Variants in AK4 observed in about 807,000 individuals in gnomAD.
AK4 encodes the protein adenylate kinase 4.
AK4 carries 13 observed loss-of-function variants against 24.6 expected under a neutral mutation model. The ratio of observed to expected loss-of-function variants is 0.53; its 90% CI spans 0.34 to 0.84. AK4 has a LOEUF of 0.84. AK4 is among the 40% of genes least tolerant of loss of function. The pLI is 0.01. For missense variants in AK4, 192 were observed against 288.2 expected (o/e 0.67, Z 2.42); for synonymous variants, 88 against 107.0 (o/e 0.82, Z 1.10).
intron 2 of AK4, among the ~76,000 whole-genome samples, chr1:65,203,575 G>T (rs1245744488): frequency 1.3e-5 from 2 of 152,040 alleles, no homozygotes; most frequent in Non-Finnish European, 2.9e-5. Flanking sequence ...AGGACGAGGT[G>T]GGTGGATCAC....
intron 2 of AK4, among the ~76,000 whole-genome samples, chr1:65,208,685 C>T (rs1440131926): frequency 6.6e-6 from 1 of 152,220 alleles, no homozygotes; most frequent in African/African-American, 2.4e-5. Context: ...CCCTTCTGAA[C>T]TGCCCTTTCA....
At chr1:65,210,578 C>G (rs182702061) in intron 2 of AK4, among the ~76,000 whole-genome samples, 1 of 152,190 alleles carries the variant, frequency 6.6e-6, no homozygotes, top group South Asian at 2.1e-4. Context: ...TTTCTGTTAC[C>G]GAGGACTTTC....
intron 2 of AK4, among the ~76,000 whole-genome samples, chr1:65,194,504 C>T (rs1651408918): frequency 2.6e-5 from 4 of 152,106 alleles, no homozygotes; most frequent in Admixed American, 1.3e-4. Context: ...CTCTGTCGCC[C>T]AGGCCAGAGT....
chr1:65,207,490 G>A (rs1651846264), intron 2 of AK4, among the ~76,000 whole-genome samples: 1 of 152,054 alleles, frequency 6.6e-6, no homozygotes, highest in Admixed American at 6.5e-5. Context: ...GGGAGTGTGG[G>A]GCTCACAGAG....
At chr1:65,163,620 A>T (rs897231979) in intron 1 of AK4, among the ~76,000 whole-genome samples, 1 of 152,224 alleles carries the variant, frequency 6.6e-6, no homozygotes, top group Non-Finnish European at 1.5e-5. Context: ...CAGTTTGTCC[A>T]CAAGTGTAAC....
intron 1 of AK4, among the ~76,000 whole-genome samples, chr1:65,179,259 A>G (rs967811495): frequency 6.6e-6 from 1 of 152,158 alleles, no homozygotes; most frequent in African/African-American, 2.4e-5. Context: ...TCCCTTTTAT[A>G]CAGGTGCTAG....
intron 4 of AK4, among the ~76,000 whole-genome samples, chr1:65,225,195 C>T (rs1008353435): frequency 1.3e-5 from 2 of 152,044 alleles, no homozygotes; most frequent in African/African-American, 4.8e-5. Context: ...GTTGATACTC[C>T]CACATATAAA....
At chr1:65,187,399 A>G (rs1036356150) in intron 1 of AK4, among the ~76,000 whole-genome samples, 1 of 151,540 alleles carries the variant, frequency 6.6e-6, no homozygotes, top group African/African-American at 2.4e-5. Context: ...ATCTACAGAC[A>G]GAAAGATTGG....
chr1:65,203,287 G>A (rs1651719467), intron 2 of AK4, among the ~76,000 whole-genome samples: 1 of 152,074 alleles, frequency 6.6e-6, no homozygotes, highest in Non-Finnish European at 1.5e-5. Context: ...AAAACTCTTA[G>A]TGGAGTTCTG....
rs144980458 is a variant in AK4, at chr1:65,191,678, A to G, written c.265+849A>G. On this transcript the variant is annotated intron_variant, in intron 2 of 4. Coordinates refer to ENST00000327299, the MANE Select transcript of AK4 (RefSeq NM_013410.4). ...GGTGGATAGCCTTTGATTTTGCCAT[A>G]AAGATGGTGGAACTGGATTTTGTTG... 2.8e-3 allele frequency among the ~76,000 whole-genome samples: 426 copies of G among 152,028 alleles called. 5 individuals carry two copies. Among genetic ancestry groups the G allele is most frequent in the Non-Finnish European group, 2.9e-3 (196 of 67,994 alleles).
chr1:65,192,055 C>T (rs1020713433), intron 2 of AK4, among the ~76,000 whole-genome samples: 7 of 152,164 alleles, frequency 4.6e-5, no homozygotes, highest in African/African-American at 1.7e-4. Context: ...TCTGCCCTTA[C>T]CTAGGCATGT....
At position 65,225,996 on chromosome 1, in the gene AK4, G is replaced by T. The variant is rs1652443312; in HGVS notation, c.558-67G>T. 2.0e-6 allele frequency: 3 copies of T among 1,507,816 alleles called. No homozygotes were observed. In the South Asian group the frequency reaches 3.5e-5, roughly 18 times the overall value. 93.4% of individuals were successfully genotyped at this position (1,507,816 alleles called of 1,614,324 possible). A position where few individuals can be genotyped will look rare whatever the true frequency, so the allele number is the denominator to read the frequency against. On this transcript the variant is annotated intron_variant, in intron 4 of 4. Coordinates refer to ENST00000327299, the MANE Select transcript of AK4 (RefSeq NM_013410.4). The stretch of plus-strand genomic sequence containing the variant: ...GAGATCATGCTTGTTTTATATCTAG[G>T]ATCTTCTGCACTAATACGTGGAAAA...
Position 65,226,420 on chromosome 1 carries a change from C to T in AK4, c.*243C>T. ...CTCTGCACATGTCTCAAGCCCATCA[C>T]AAGAAAGCAAGTACAGTGTGGATTT... is the stretch of plus-strand genomic sequence containing the variant. On this transcript the variant is annotated 3_prime_UTR_variant, in exon 5 of 5. Transcript: ENST00000327299. The T allele has an allele frequency of 2.3e-6, 1 of 427,098 alleles. No homozygotes were observed. Among genetic ancestry groups the T allele is most frequent in the Non-Finnish European group, 4.2e-6 (1 of 237,548 alleles). The allele number at this position is 427,098 out of a possible 1,614,324, so 26.5% of individuals were successfully genotyped here.
At chr1:65,188,845 G>T (rs1433640089) in intron 1 of AK4, among the ~76,000 whole-genome samples, 1 of 152,010 alleles carries the variant, frequency 6.6e-6, no homozygotes, top group Non-Finnish European at 1.5e-5. Flanking sequence ...CACGATCTTG[G>T]CTCACTGCAA....
intron 2 of AK4, among the ~76,000 whole-genome samples, chr1:65,197,959 A>G (rs1651534204): frequency 6.6e-6 from 1 of 152,154 alleles, no homozygotes; most frequent in Non-Finnish European, 1.5e-5. Context: ...TTGTGAGTCT[A>G]GGGTATCTTT....
chr1:65,163,419 A>G (rs978267171), intron 1 of AK4, among the ~76,000 whole-genome samples: 13 of 152,240 alleles, frequency 8.5e-5, no homozygotes, highest in African/African-American at 2.7e-4. Context: ...ATGACTACAG[A>G]AATCGGAAGT....
chr1:65,230,058 CT>C lies in AK4; in HGVS notation c.*3884del, dbSNP rs1157646565. The C allele has an allele frequency of 1.3e-5, 2 of 152,240 alleles. No individual in the cohort carries two copies. Among genetic ancestry groups the C allele is most frequent in the African/African-American group, 4.8e-5 (2 of 41,454 alleles). The allele number at this position is 152,240 out of a possible 1,614,324, so 9.4% of individuals were successfully genotyped here. A position where few individuals can be genotyped will look rare whatever the true frequency, so the allele number is the denominator to read the frequency against. ...ATGACTCTGAATGCCAGATCCAAAC[CT>C]TTGCCCACCATCTGCTTGTCGTGCA... On this transcript the variant is annotated 3_prime_UTR_variant, in exon 5 of 5. Coordinates refer to ENST00000327299, the MANE Select transcript of AK4 (RefSeq NM_013410.4).
At chr1:65,186,468 CTA>C (rs1651104356) in intron 1 of AK4, among the ~76,000 whole-genome samples, 1 of 150,232 alleles carries the variant, frequency 6.7e-6, no homozygotes, top group South Asian at 2.1e-4. Context: ...ATATGCCAGA[CTA>C]TATTTTAAGC....
chr1:65,175,715 G>A (rs1334428662), intron 1 of AK4, among the ~76,000 whole-genome samples: 1 of 152,186 alleles, frequency 6.6e-6, no homozygotes, highest in East Asian at 1.9e-4. Context: ...GGCTGAAAGT[G>A]CCTGCTATGG....
Sources: gnomAD v4.1 joint callset for allele counts (sites outside exome capture counted in the v4.1 genomes callset) on GRCh38, gnomAD v4.1.1 for gene constraint, MANE v1.5 for transcripts, NCBI Gene and HGNC (gene_info 2026-07-23, HGNC 2026-07-21) for gene names.